CNTNAP2: variants seen among roughly 807,000 people sequenced by gnomAD.
CNTNAP2 encodes the protein contactin associated protein 2, also known as contactin-associated protein-like 2.
In CNTNAP2, 98 loss-of-function variants were observed where a neutral mutation model predicts 155.2. The observed-to-expected ratio is 0.63, with a 90% confidence interval of 0.54 to 0.75. CNTNAP2 has a LOEUF of 0.75. Ranked by LOEUF, CNTNAP2 falls within the 30% of genes least tolerant of loss-of-function variation. CNTNAP2 has a pLI of 0.00. For missense variants in CNTNAP2, 1,727 were observed against 1,688.1 expected (o/e 1.02, Z -0.40); for synonymous variants, 651 against 631.2 (o/e 1.03, Z -0.47).
intron 13 of CNTNAP2, among the ~76,000 whole-genome samples, chr7:147,640,913 C>G (rs1795263660): frequency 1.3e-5 from 2 of 152,168 alleles, no homozygotes; most frequent in African/African-American, 4.8e-5. Flanking sequence ...ACGTTATTCA[C>G]GTAGCCCAGG....
intron 3 of CNTNAP2, among the ~76,000 whole-genome samples, chr7:146,959,581 A>T (rs2129230069): frequency 6.6e-6 from 1 of 151,810 alleles, no homozygotes; most frequent in East Asian, 2.0e-4. Context: ...TTACCCAGGC[A>T]TGGTGGCAGA....
chr7:148,391,248 G>GTAAA (rs1554429072), intron 22 of CNTNAP2, among the ~76,000 whole-genome samples: 1 of 152,090 alleles, frequency 6.6e-6, no homozygotes, highest in Non-Finnish European at 1.5e-5. Flanking sequence ...GTGAAAATAA[G>GTAAA]TAAATAAATA....
chr7:148,342,054 T>C (rs537654197), intron 21 of CNTNAP2, among the ~76,000 whole-genome samples: 1 of 152,344 alleles, frequency 6.6e-6, no homozygotes, highest in African/African-American at 2.4e-5. Flanking sequence ...TGTCTTTAAT[T>C]TCTTCTTGTC....
chr7:147,679,607 C>G (rs1459411307), intron 13 of CNTNAP2, among the ~76,000 whole-genome samples: 4 of 151,766 alleles, frequency 2.6e-5, no homozygotes, highest in Non-Finnish European at 5.9e-5. Flanking sequence ...GTTTTTGGCT[C>G]CTGATTTTTG....
chr7:146,424,886 A>C (rs1796066230), intron 1 of CNTNAP2, among the ~76,000 whole-genome samples: 1 of 152,188 alleles, frequency 6.6e-6, no homozygotes, highest in African/African-American at 2.4e-5. Flanking sequence ...AGTCATTAAA[A>C]CACTGTCAAT....
intron 14 of CNTNAP2, among the ~76,000 whole-genome samples, chr7:147,963,077 C>T (rs187300888): frequency 1.4e-4 from 21 of 152,150 alleles, no homozygotes; most frequent in Non-Finnish European, 2.8e-4. Context: ...ACTGCAATAT[C>T]GAGGTCAAGT....
chr7:147,440,713 G>A (rs899128866), intron 10 of CNTNAP2, among the ~76,000 whole-genome samples: 19 of 152,184 alleles, frequency 1.2e-4, no homozygotes, highest in African/African-American at 4.1e-4. Flanking sequence ...CTTCACGTTC[G>A]AAGGATATTT....
chr7:146,860,931 C>T (rs1358944145), intron 3 of CNTNAP2, among the ~76,000 whole-genome samples: 2 of 152,150 alleles, frequency 1.3e-5, no homozygotes, highest in African/African-American at 4.8e-5. Flanking sequence ...CTACTGGATG[C>T]CAGCTCTCAT....
At chr7:146,164,206 G>A (rs992055347) in intron 1 of CNTNAP2, among the ~76,000 whole-genome samples, 3 of 151,942 alleles carry the variant, frequency 2.0e-5, no homozygotes, top group African/African-American at 4.8e-5. Context: ...TTTCTTTCAC[G>A]ATAAATGCAG....
At chr7:148,137,602 C>T (rs1250896334) in intron 16 of CNTNAP2, among the ~76,000 whole-genome samples, 1 of 151,366 alleles carries the variant, frequency 6.6e-6, no homozygotes, top group Non-Finnish European at 1.5e-5. Flanking sequence ...GTGGAGGTTG[C>T]AGTGAGCTGA....
At chr7:147,576,970 C>T (rs1392363245) in intron 12 of CNTNAP2, among the ~76,000 whole-genome samples, 3 of 152,038 alleles carry the variant, frequency 2.0e-5, no homozygotes, top group East Asian at 1.9e-4. Flanking sequence ...TCTAACCATC[C>T]TTGGGATGTA....
In CNTNAP2 at chr7:148,365,761, T is replaced by C. The variant is rs543916048; in HGVS notation, c.3476-17888T>C. On this transcript the variant is annotated intron_variant, in intron 21 of 23. Transcript: ENST00000361727. ...GTGTATACATGTATACATGTATGTG[T>C]ATACGTGTATACATGTATGTGTATG... Among the ~76,000 whole-genome samples, 313 of 95,646 alleles carry C rather than the reference T, an allele frequency of 3.3e-3. 57 individuals carry two copies. Among genetic ancestry groups the C allele is most frequent in the African/African-American group, 0.015 (298 of 20,054 alleles). The allele number at this position is 95,646 out of a possible 152,430, so 62.7% of individuals were successfully genotyped here. A position where few individuals can be genotyped will look rare whatever the true frequency, so the allele number is the denominator to read the frequency against.
chr7:147,180,164 T>C lies in CNTNAP2; in HGVS notation c.1348+47655T>C, dbSNP rs536342909. The stretch of plus-strand genomic sequence containing the variant: ...ACAAGACTCCAGCTGCCATCACCCA[T>C]GTTCATTTCCTTGAAGAAATCATCT... On this transcript the variant is annotated intron_variant, in intron 8 of 23. Transcript: ENST00000361727. Among the ~76,000 whole-genome samples the C allele has an allele frequency of 6.6e-5, 10 of 152,304 alleles. No homozygotes were observed. The South Asian group carries it at 2.1e-3, about 32-fold the overall frequency.
chr7:147,268,817 A>C (rs1251825781), intron 8 of CNTNAP2, among the ~76,000 whole-genome samples: 3 of 152,204 alleles, frequency 2.0e-5, no homozygotes, highest in Admixed American at 1.3e-4. Flanking sequence ...TATTACACAG[A>C]AGAATCGAAA....
At chr7:147,903,160 TG>T (rs1430585454) in intron 13 of CNTNAP2, among the ~76,000 whole-genome samples, 1 of 152,220 alleles carries the variant, frequency 6.6e-6, no homozygotes, top group African/African-American at 2.4e-5. Flanking sequence ...TTTTTGATTA[TG>T]GGCATTCTTG....
intron 1 of CNTNAP2, among the ~76,000 whole-genome samples, chr7:146,341,408 A>G (rs996445077): frequency 1.3e-5 from 2 of 152,144 alleles, no homozygotes; most frequent in African/African-American, 4.8e-5. Context: ...AGTACTTTCC[A>G]TTATACTGAA....
chr7:147,268,857 G>A (rs755270637), intron 8 of CNTNAP2, among the ~76,000 whole-genome samples: 5 of 152,164 alleles, frequency 3.3e-5, no homozygotes, highest in Admixed American at 1.3e-4. Context: ...CAGCATGGAT[G>A]CATCCAGGTT....
At chr7:147,129,168 T>C (rs868247113) in intron 7 of CNTNAP2, among the ~76,000 whole-genome samples, 13 of 152,204 alleles carry the variant, frequency 8.5e-5, no homozygotes, top group African/African-American at 2.2e-4. Context: ...TTCAAATATC[T>C]CATCACATGT....
chr7:146,852,597 T>C (rs1794899541), intron 3 of CNTNAP2, among the ~76,000 whole-genome samples: 2 of 152,172 alleles, frequency 1.3e-5, no homozygotes, highest in African/African-American at 4.8e-5. Flanking sequence ...CTTTGAGATA[T>C]AGTAATTATT....
Sources: allele counts gnomAD v4.1 joint callset (sites outside exome capture counted in the v4.1 genomes callset), GRCh38; gene constraint gnomAD v4.1.1; transcripts MANE v1.5; gene names NCBI Gene and HGNC (gene_info 2026-07-23, HGNC 2026-07-21).